BEGAIN: variants seen among roughly 807,000 people sequenced by gnomAD.
The protein encoded by BEGAIN is brain enriched guanylate kinase associated.
BEGAIN carries 19 observed loss-of-function variants against 35.8 expected under a neutral mutation model. That is an observed-to-expected ratio of 0.53 (90% CI 0.37 to 0.78). The LOEUF (loss-of-function observed/expected upper bound fraction) is 0.78, where lower values mean the gene tolerates loss of function less well. BEGAIN is among the 30% of genes least tolerant of loss of function. The pLI, the probability that BEGAIN is intolerant of heterozygous loss-of-function variation, is 0.00. For synonymous variants in BEGAIN, 462 were observed against 388.6 expected, an observed-to-expected ratio of 1.19 and a Z score of -2.22; for missense variants, 795 against 853.6, an observed-to-expected ratio of 0.93 and a Z score of 0.85.
intron 6 of BEGAIN, 111 bp from the exon 7 acceptor site, chr14:100,539,426 C>G (rs2031217696): frequency 4.1e-6 from 6 of 1,456,546 alleles, no homozygotes; most frequent in South Asian, 1.4e-5. Flanking sequence ...GACAGGCAGA[C>G]AGACGAACGG....
chr14:100,540,686 T>G lies in BEGAIN; in HGVS notation c.409-107A>C, dbSNP rs2140451401. ...GGGCAGTGGTGTGCACAGGGCCTGC[T>G]GTGCGCTCAGCAGGACAAGGACCCA... On this transcript the variant is annotated intron_variant, in intron 5 of 6. Coordinates refer to ENST00000554140, the MANE Select transcript of BEGAIN (RefSeq NM_001385089.1). 1.7e-5 allele frequency: 13 copies of G among 785,434 alleles called. No individual in the cohort carries two copies. The South Asian group carries it at 2.1e-4, about 12-fold the overall frequency. The allele number at this position is 785,434 out of a possible 1,614,324, so 48.7% of individuals were successfully genotyped here. A position where few individuals can be genotyped will look rare whatever the true frequency, so the allele number is the denominator to read the frequency against.
intron 6 of BEGAIN, among the ~76,000 whole-genome samples, chr14:100,539,637 C>A (rs1183594666): frequency 6.6e-6 from 1 of 152,068 alleles, no homozygotes; most frequent in Non-Finnish European, 1.5e-5. Context: ...TCAGGCCCCA[C>A]TCAAGGCTCC....
chr14:100,577,847 C>T (rs2035235011), intron 1 of BEGAIN: 1 of 399,280 alleles, frequency 2.5e-6, no homozygotes, highest in Non-Finnish European at 4.4e-6. Flanking sequence ...CTGTGAGCTT[C>T]CTTGATGGGG....
chr14:100,570,523 T>A (rs1030656264), intron 1 of BEGAIN, among the ~76,000 whole-genome samples: 3 of 151,992 alleles, frequency 2.0e-5, no homozygotes, highest in African/African-American at 7.3e-5. Context: ...CTCTGGGGAG[T>A]CACTGAGTTT....
intron 1 of BEGAIN, among the ~76,000 whole-genome samples, chr14:100,575,705 G>A (rs1485290184): frequency 6.6e-6 from 1 of 152,078 alleles, no homozygotes; most frequent in Admixed American, 6.5e-5. Context: ...GCCAGGTATG[G>A]TCCAGCCCCT....
chr14:100,554,433 C>T (rs377730941), intron 2 of BEGAIN, among the ~76,000 whole-genome samples: 7 of 152,286 alleles, frequency 4.6e-5, no homozygotes, highest in African/African-American at 9.6e-5. Flanking sequence ...TGTCATGCTC[C>T]GGCAACACTA....
intron 6 of BEGAIN, chr14:100,540,247 G>A: frequency 1.9e-6 from 1 of 538,328 alleles, no homozygotes; most frequent in Admixed American, 3.1e-5. Context: ...GGAAACCGAG[G>A]GCAACCAGCA....
chr14:100,540,372 A>G, intron 6 of BEGAIN, 124 bp downstream of exon 6: 1 of 759,686 alleles, frequency 1.3e-6, no homozygotes, highest in Non-Finnish European at 2.2e-6. Flanking sequence ...AGGGGGACAG[A>G]GGAGGCTCAG....
At position 100,540,547 on chromosome 14, in the gene BEGAIN, G is replaced by C; in HGVS notation, c.441C>G (p.Ala147=). The change falls in exon 6 of 7, where the codon GCC becomes GCG. Residue 147 remains alanine (A), a synonymous_variant. Coordinates refer to ENST00000554140, the MANE Select transcript of BEGAIN (RefSeq NM_001385089.1). ...ELYRKDCNLA[A]QLLQCSQTYG... is the part of the protein sequence containing the mutation. ...AGGTCTGGCTGCACTGCAGCAGCTGGGCCGCTAGATTGCAGTCCTTCCTAT... is the reference window on the plus strand; with the variant it reads ...AGGTCTGGCTGCACTGCAGCAGCTGCGCCGCTAGATTGCAGTCCTTCCTAT... The C allele has an allele frequency of 6.2e-7, 1 of 1,607,968 alleles. No homozygotes were observed. Among genetic ancestry groups the C allele is most frequent in the Non-Finnish European group, 8.5e-7 (1 of 1,177,344 alleles).
intron 3 of BEGAIN, among the ~76,000 whole-genome samples, chr14:100,545,719 A>G (rs2032283264): frequency 6.6e-6 from 1 of 152,166 alleles, no homozygotes; most frequent in Admixed American, 6.5e-5. Context: ...CAGGGCCCAG[A>G]TTTTAACTGA....
intron 1 of BEGAIN, among the ~76,000 whole-genome samples, chr14:100,583,315 T>C (rs542883135): frequency 6.6e-6 from 1 of 152,272 alleles, no homozygotes; most frequent in African/African-American, 2.4e-5. Flanking sequence ...CCAGTGTCCA[T>C]TCATTCCTCT....
chr14:100,571,591 T>C (rs1328338075), intron 1 of BEGAIN, among the ~76,000 whole-genome samples: 1 of 152,148 alleles, frequency 6.6e-6, no homozygotes, highest in East Asian at 1.9e-4. Context: ...GACCTTGCTA[T>C]CTTCCCTGTG....
chr14:100,544,223 C>T (rs1472052154), intron 4 of BEGAIN, among the ~76,000 whole-genome samples: 1 of 152,188 alleles, frequency 6.6e-6, no homozygotes, highest in Non-Finnish European at 1.5e-5. Flanking sequence ...TGACAGCGTC[C>T]TGCCTCAGGA....
intron 2 of BEGAIN, among the ~76,000 whole-genome samples, chr14:100,562,260 C>T (rs1320086578): frequency 1.3e-5 from 2 of 152,118 alleles, no homozygotes; most frequent in Non-Finnish European, 2.9e-5. Flanking sequence ...GCCCCATCCC[C>T]AGGACATCTC....
rs576658429 is a variant in BEGAIN, at chr14:100,551,484, G to A, written c.72-4822C>T. On this transcript the variant is annotated intron_variant, in intron 2 of 6. Transcript: ENST00000554140. ...TGCTTCAAGATTCAGGCAGATGGGCGTGCTCAGAAAAAGAGCCGTATAATC... is the reference window on the plus strand; with the variant it reads ...TGCTTCAAGATTCAGGCAGATGGGCATGCTCAGAAAAAGAGCCGTATAATC... Among the ~76,000 whole-genome samples the A allele has an allele frequency of 7.9e-5, 12 of 152,296 alleles. No individual in the cohort carries two copies. The East Asian group carries it at 1.7e-3, about 22-fold the overall frequency.
intron 1 of BEGAIN, among the ~76,000 whole-genome samples, chr14:100,585,115 C>T (rs992339065): frequency 2.6e-5 from 4 of 152,126 alleles, no homozygotes; most frequent in African/African-American, 9.7e-5. Context: ...AGCCCTTGGA[C>T]CCCACCTCCT....
chr14:100,549,601 A>T (rs1208143968), intron 2 of BEGAIN: 2 of 152,270 alleles, frequency 1.3e-5, no homozygotes, highest in Non-Finnish European at 2.9e-5. Context: ...ACCGGGCAAT[A>T]ACCCGAGCCC....
At chr14:100,578,121 C>T (rs1431855754) in intron 1 of BEGAIN, among the ~76,000 whole-genome samples, 1 of 152,210 alleles carries the variant, frequency 6.6e-6, no homozygotes, top group Non-Finnish European at 1.5e-5. Context: ...GGCAGGGCCT[C>T]TTGGCCTCCC....
chr14:100,546,391 C>CCCGGCCCTCGCCCCGG lies in BEGAIN; in HGVS notation c.233+109_233+110insCCGGGGCGAGGGCCGG, dbSNP rs2140519020. 4.1e-5 allele frequency: 2 copies of CCCGGCCCTCGCCCCGG among 48,262 alleles called. 1 individual carries two copies. The highest frequency in any genetic ancestry group is 3.4e-4 in the African/African-American group (2 of 5,866). The allele number at this position is 48,262 out of a possible 1,614,324, so 3.0% of individuals were successfully genotyped here. A position where few individuals can be genotyped will look rare whatever the true frequency, so the allele number is the denominator to read the frequency against. On this transcript the variant is annotated intron_variant, in intron 3 of 6. Coordinates refer to ENST00000554140, the MANE Select transcript of BEGAIN (RefSeq NM_001385089.1). ...TCGCCCCGCCCCGGCCCTCGCCCCG[C>CCCGGCCCTCGCCCCGG]CCCGGCCCTCGCCCCGCCCCGGCCC... is the stretch of plus-strand genomic sequence containing the variant.
Sources: allele counts gnomAD v4.1 joint callset (sites outside exome capture counted in the v4.1 genomes callset), GRCh38; gene constraint gnomAD v4.1.1; transcripts MANE v1.5; gene names NCBI Gene and HGNC (gene_info 2026-07-23, HGNC 2026-07-21).